Variants in SLC38A4 observed in about 807,000 individuals in gnomAD.
SLC38A4 encodes the protein solute carrier family 38 member 4.
Under a neutral mutation model 63.1 loss-of-function variants are expected in SLC38A4, and 20 were observed. The ratio of observed to expected loss-of-function variants is 0.32; its 90% CI spans 0.22 to 0.46. The LOEUF is 0.46. Among genes scored for constraint, SLC38A4 ranks in the 20% least tolerant of loss-of-function variants. The pLI is 1.00. For missense variants in SLC38A4, 526 were observed against 663.6 expected, an observed-to-expected ratio of 0.79 and a Z score of 2.28; for synonymous variants, 230 against 225.5, an observed-to-expected ratio of 1.02 and a Z score of -0.18.
At chr12:46,782,429 T>A (rs577733455) in intron 7 of SLC38A4, among the ~76,000 whole-genome samples, 1 of 152,086 alleles carries the variant, frequency 6.6e-6, no homozygotes, top group African/African-American at 2.4e-5. Flanking sequence ...ATTGTTAAAT[T>A]TAAAAAGAAA....
chr12:46,803,110 A>T (rs949020223), intron 2 of SLC38A4, among the ~76,000 whole-genome samples: 4 of 152,212 alleles, frequency 2.6e-5, no homozygotes, highest in South Asian at 2.1e-4. Flanking sequence ...ACTCTTAGCC[A>T]TTCACATCTG....
At chr12:46,779,544 C>A in intron 10 of SLC38A4, 67 bp downstream of exon 10, 1 of 1,225,182 alleles carries the variant, frequency 8.2e-7, no homozygotes. Flanking sequence ...AAAATGAGGA[C>A]ACTAATTTAG....
chr12:46,823,941 C>A (rs1363585945), intron 1 of SLC38A4, among the ~76,000 whole-genome samples: 1 of 152,158 alleles, frequency 6.6e-6, no homozygotes, highest in African/African-American at 2.4e-5. Context: ...TTGAAGGGAC[C>A]TCTGGGAGAC....
intron 2 of SLC38A4, among the ~76,000 whole-genome samples, chr12:46,800,086 T>C (rs980352156): frequency 6.6e-6 from 1 of 152,174 alleles, no homozygotes. Context: ...TAGATTCTTC[T>C]GCTGTTTGCC....
At chr12:46,784,724 CA>C in intron 6 of SLC38A4, 90 bp from the exon 7 acceptor site, 6 of 981,274 alleles carry the variant, frequency 6.1e-6, no homozygotes, top group Non-Finnish European at 9.1e-6. Context: ...GAGTCTCAAA[CA>C]TGTAAATAAA....
At chr12:46,821,997 A>G (rs1024584142) in intron 1 of SLC38A4, among the ~76,000 whole-genome samples, 1 of 152,126 alleles carries the variant, frequency 6.6e-6, no homozygotes, top group African/African-American at 2.4e-5. Flanking sequence ...ACATATAGAA[A>G]TCTAACTGAT....
chr12:46,802,745 T>C (rs1939156555), intron 2 of SLC38A4, among the ~76,000 whole-genome samples: 1 of 152,010 alleles, frequency 6.6e-6, no homozygotes, highest in African/African-American at 2.4e-5. Context: ...GTGATATATA[T>C]CATCAATTCA....
intron 1 of SLC38A4, among the ~76,000 whole-genome samples, chr12:46,806,213 T>G (rs1939229379): frequency 6.6e-6 from 1 of 151,762 alleles, no homozygotes; most frequent in Admixed American, 6.6e-5. Context: ...AGCTAAAAAT[T>G]AAAATGCCAG....
intron 4 of SLC38A4, 121 bp downstream of exon 4, chr12:46,788,407 T>C: frequency 1.3e-6 from 1 of 759,934 alleles, no homozygotes; most frequent in East Asian, 2.5e-5. Flanking sequence ...AGAGCCTGAA[T>C]AAACACAGAA....
At chr12:46,794,024 C>A (rs1938949710) in intron 2 of SLC38A4, among the ~76,000 whole-genome samples, 1 of 152,056 alleles carries the variant, frequency 6.6e-6, no homozygotes, top group Admixed American at 6.6e-5. Flanking sequence ...AAATTCTTAC[C>A]ATTAGATTCA....
intron 3 of SLC38A4, among the ~76,000 whole-genome samples, chr12:46,791,488 G>C (rs1860371): frequency 0.2 from 29,830 of 152,060 alleles, 3,696 homozygotes; most frequent in East Asian, 0.39. Context: ...AAGAACGGTA[G>C]TTTCTCCTGA....
intron 1 of SLC38A4, among the ~76,000 whole-genome samples, chr12:46,831,281 C>T (rs1281931239): frequency 1.3e-5 from 2 of 152,208 alleles, no homozygotes; most frequent in African/African-American, 4.8e-5. Context: ...AGGGTGCTCC[C>T]GGCTTACGCT....
intron 1 of SLC38A4, among the ~76,000 whole-genome samples, chr12:46,812,573 A>G (rs1280655121): frequency 6.6e-6 from 1 of 152,080 alleles, no homozygotes; most frequent in East Asian, 1.9e-4. Context: ...TCTCATTTAT[A>G]AAATAGTATA....
chr12:46,790,082 C>CAATA (rs1565669674), intron 3 of SLC38A4, among the ~76,000 whole-genome samples: 1 of 150,914 alleles, frequency 6.6e-6, no homozygotes, highest in Non-Finnish European at 1.5e-5. Context: ...CTGTCTGTCT[C>CAATA]AATAAATAAA....
At chr12:46,815,120 T>G (rs1316220380) in intron 1 of SLC38A4, among the ~76,000 whole-genome samples, 1 of 151,592 alleles carries the variant, frequency 6.6e-6, no homozygotes, top group East Asian at 1.9e-4. Context: ...ACAGTTATTC[T>G]ATGTTATGGT....
At chr12:46,779,577 C>A (rs770189808) in intron 10 of SLC38A4, 34 bp downstream of exon 10, 2 of 1,563,256 alleles carry the variant, frequency 1.3e-6, no homozygotes, top group Admixed American at 2.1e-5. Flanking sequence ...TCATGCTAAC[C>A]AACCTGCAAG....
At chr12:46,799,424 A>C (rs1318710292) in intron 2 of SLC38A4, among the ~76,000 whole-genome samples, 1 of 152,070 alleles carries the variant, frequency 6.6e-6, no homozygotes, top group Non-Finnish European at 1.5e-5. Flanking sequence ...CAACATGGCA[A>C]AGCTCCATCT....
intron 2 of SLC38A4, among the ~76,000 whole-genome samples, chr12:46,802,451 TA>T (rs1939150217): frequency 6.6e-6 from 1 of 151,980 alleles, no homozygotes; most frequent in Admixed American, 6.6e-5. Context: ...CTCACATAAC[TA>T]AAAAACAGCT....
chr12:46,785,216 A>G, intron 5 of SLC38A4, 39 bp from the exon 6 acceptor site: 2 of 1,417,432 alleles, frequency 1.4e-6, no homozygotes, highest in East Asian at 2.3e-5. Flanking sequence ...AAGTTTCTAC[A>G]ATAAATAAAA....
Sources: allele counts gnomAD v4.1 joint callset (sites outside exome capture counted in the v4.1 genomes callset), GRCh38; gene constraint gnomAD v4.1.1; transcripts MANE v1.5; gene names NCBI Gene and HGNC (gene_info 2026-07-23, HGNC 2026-07-21).